Variants in NRP1 observed in about 807,000 individuals in gnomAD.
NRP1 encodes neuropilin-1.
NRP1 carries 35 observed loss-of-function variants against 106.7 expected under a neutral mutation model. The observed-to-expected ratio is 0.33, with a 90% confidence interval of 0.25 to 0.43. The LOEUF is 0.43. Among genes scored for constraint, NRP1 ranks in the 20% least tolerant of loss-of-function variants. The pLI is 1.00. For synonymous variants in NRP1, 437 were observed against 417.9 expected (o/e 1.05, Z -0.56); for missense variants, 1,024 against 1,170.4 (o/e 0.87, Z 1.83).
intron 2 of NRP1, among the ~76,000 whole-genome samples, chr10:33,291,138 C>A (rs1844966307): frequency 6.6e-6 from 1 of 152,172 alleles, no homozygotes; most frequent in Admixed American, 6.5e-5. Context: ...CTTTTAAAAG[C>A]TGCCTGCTTT....
At chr10:33,313,144 G>A (rs957724704) in intron 2 of NRP1, among the ~76,000 whole-genome samples, 9 of 152,206 alleles carry the variant, frequency 5.9e-5, no homozygotes, top group Non-Finnish European at 8.8e-5. Flanking sequence ...TAAGGTCTAG[G>A]TGAAAAAGTA....
chr10:33,249,934 GA>G lies in NRP1; in HGVS notation c.981+4093del, dbSNP rs576005605. Among the ~76,000 whole-genome samples the G allele has an allele frequency of 3.6e-3, 540 of 152,020 alleles. 3 individuals are homozygous for G. Among genetic ancestry groups the G allele is most frequent in the African/African-American group, 0.012 (504 of 41,470 alleles). ...TAATGCCACTCAGTAATTTCCTAGGGAAAACAATGGGAACCGAAGCTTGTTC... is the reference window on the plus strand; with the variant it reads ...TAATGCCACTCAGTAATTTCCTAGGGAAACAATGGGAACCGAAGCTTGTTC... On this transcript the variant is annotated intron_variant, in intron 6 of 16. Transcript: ENST00000374867.
At chr10:33,257,753 C>T (rs190302147) in intron 4 of NRP1, among the ~76,000 whole-genome samples, 3 of 152,244 alleles carry the variant, frequency 2.0e-5, no homozygotes, top group Non-Finnish European at 4.4e-5. Context: ...GCAGAACCCC[C>T]GTGGATGGCA....
intron 6 of NRP1, among the ~76,000 whole-genome samples, chr10:33,234,219 A>G (rs1156457418): frequency 1.3e-5 from 2 of 152,160 alleles, no homozygotes; most frequent in Non-Finnish European, 2.9e-5. Context: ...TCTCACAACA[A>G]TCATACAAGG....
chr10:33,223,227 C>T (rs1170498157), intron 7 of NRP1, among the ~76,000 whole-genome samples: 1 of 152,212 alleles, frequency 6.6e-6, no homozygotes, highest in Non-Finnish European at 1.5e-5. Flanking sequence ...CCAAGTCCTG[C>T]TCTTCCACCT....
intron 9 of NRP1, chr10:33,213,040 A>G (rs2132810213): frequency 1.7e-6 from 1 of 579,728 alleles, no homozygotes; most frequent in East Asian, 2.8e-5. Context: ...GGGAGGGCAG[A>G]CCCAAACGAC....
At chr10:33,267,362 A>G (rs958259870) in intron 3 of NRP1, among the ~76,000 whole-genome samples, 1 of 152,228 alleles carries the variant, frequency 6.6e-6, no homozygotes, top group Non-Finnish European at 1.5e-5. Flanking sequence ...AGTGGCACTC[A>G]CACAGGCATT....
chr10:33,185,325 G>A (rs577506398), intron 15 of NRP1, among the ~76,000 whole-genome samples: 3 of 152,228 alleles, frequency 2.0e-5, no homozygotes, highest in East Asian at 1.9e-4. Flanking sequence ...AAAATGTTTC[G>A]GTATGGCATC....
chr10:33,253,366 C>A (rs1841994489), intron 6 of NRP1, among the ~76,000 whole-genome samples: 1 of 152,092 alleles, frequency 6.6e-6, no homozygotes, highest in South Asian at 2.1e-4. Flanking sequence ...ATGTAAGTGA[C>A]AGCAGGAAGG....
intron 6 of NRP1, among the ~76,000 whole-genome samples, chr10:33,235,401 C>A (rs1452477906): frequency 2.6e-5 from 4 of 152,200 alleles, no homozygotes; most frequent in Non-Finnish European, 5.9e-5. Flanking sequence ...ACTACCATTG[C>A]TCTGCATTTT....
chr10:33,224,601 A>G (rs113334692), intron 7 of NRP1, among the ~76,000 whole-genome samples: 27 of 140,360 alleles, frequency 1.9e-4, no homozygotes, highest in African/African-American at 7.0e-4. Flanking sequence ...TGCAGGATGT[A>G]TAGGTTTGTT....
At chr10:33,269,065 GT>G (rs1028956723) in intron 3 of NRP1, among the ~76,000 whole-genome samples, 6 of 151,956 alleles carry the variant, frequency 3.9e-5, no homozygotes, top group South Asian at 4.1e-4. Context: ...GATGTAGTTA[GT>G]TTTTTTTCTA....
At chr10:33,188,015 G>A (rs556021963) in intron 13 of NRP1, among the ~76,000 whole-genome samples, 15 of 152,178 alleles carry the variant, frequency 9.9e-5, no homozygotes, top group Non-Finnish European at 1.2e-4. Flanking sequence ...TGTCCCTCTC[G>A]CTCTCTGACC....
intron 2 of NRP1, among the ~76,000 whole-genome samples, chr10:33,293,205 A>G (rs1427159579): frequency 6.6e-6 from 1 of 152,240 alleles, no homozygotes; most frequent in African/African-American, 2.4e-5. Flanking sequence ...CATTTATAAA[A>G]TATTAACTTG....
chr10:33,322,648 GCTGGGATTACAGAC>G (rs1471780747), intron 2 of NRP1, among the ~76,000 whole-genome samples: 4 of 152,156 alleles, frequency 2.6e-5, no homozygotes, highest in Non-Finnish European at 5.9e-5. Context: ...CTCCCAAAGT[GCTGGGATTACAGAC>G]CTGAGCCACC....
In NRP1 at chr10:33,178,871, T is replaced by C. The variant is rs1185672771; in HGVS notation, c.*1205A>G. ...CAAAGTTAGACTTTGGAGGGCAAAG[T>C]TAGGAATTTCCCTTATTTATTTATT... is the stretch of plus-strand genomic sequence containing the variant. On this transcript the variant is annotated 3_prime_UTR_variant, in exon 17 of 17. Coordinates refer to ENST00000374867, the MANE Select transcript of NRP1 (RefSeq NM_003873.7). 6.6e-6 allele frequency: 1 copy of C among 152,640 alleles called. No homozygotes were observed. The highest frequency in any genetic ancestry group is 1.5e-5 in the Non-Finnish European group (1 of 68,040). 9.5% of individuals were successfully genotyped at this position (152,640 alleles called of 1,614,324 possible).
At chr10:33,235,854 C>T (rs748139942) in intron 6 of NRP1, among the ~76,000 whole-genome samples, 3 of 152,202 alleles carry the variant, frequency 2.0e-5, no homozygotes, top group Non-Finnish European at 4.4e-5. Context: ...GATTGTTTTA[C>T]ATTTTTAAGA....
At chr10:33,261,443 T>A (rs1290980568) in intron 4 of NRP1, among the ~76,000 whole-genome samples, 3 of 152,234 alleles carry the variant, frequency 2.0e-5, no homozygotes, top group Non-Finnish European at 4.4e-5. Context: ...AATATTATTA[T>A]AATACTATTT....
intron 12 of NRP1, among the ~76,000 whole-genome samples, chr10:33,192,971 AT>A (rs1031212312): frequency 1.3e-4 from 20 of 151,436 alleles, no homozygotes; most frequent in Non-Finnish European, 2.4e-4. Context: ...TTTTAGGATT[AT>A]TTTTTTTTCT....
Sources: allele counts gnomAD v4.1 joint callset (sites outside exome capture counted in the v4.1 genomes callset), GRCh38; gene constraint gnomAD v4.1.1; transcripts MANE v1.5; gene names NCBI Gene and HGNC (gene_info 2026-07-23, HGNC 2026-07-21).